The following CDH26 variants were observed in gnomAD, a reference collection of about 807,000 sequenced individuals.
The protein encoded by CDH26 is cadherin-like protein 26.
Under a neutral mutation model 90.3 loss-of-function variants are expected in CDH26, and 83 were observed. That is an observed-to-expected ratio of 0.92 (90% confidence interval 0.77 to 1.10). The LOEUF is 1.10. Ranked by LOEUF, CDH26 falls within the 50% of genes least tolerant of loss-of-function variation. The pLI, the probability that CDH26 is intolerant of heterozygous loss-of-function variation, is 0.00. For synonymous variants in CDH26, 397 were observed against 396.3 expected, an observed-to-expected ratio of 1.00 and a Z score of -0.02; for missense variants, 1,013 against 1,037.6, an observed-to-expected ratio of 0.98 and a Z score of 0.33.
chr20:60,005,201 A>G (rs1215292157), intron 16 of CDH26, among the ~76,000 whole-genome samples: 3 of 152,212 alleles, frequency 2.0e-5, no homozygotes, highest in African/African-American at 7.2e-5. Context: ...TACATATGAC[A>G]TACAAAATGT....
At chr20:60,005,478 CTGTATGTATGTA>C (rs35310546) in intron 16 of CDH26, among the ~76,000 whole-genome samples, 316 of 147,710 alleles carry the variant, frequency 2.1e-3, no homozygotes, top group African/African-American at 6.1e-3. Context: ...GTGTATATAT[CTGTATGTATGTA>C]TGTATGTATG....
At chr20:59,993,944 C>G (rs1162164309) in intron 10 of CDH26, among the ~76,000 whole-genome samples, 4 of 152,128 alleles carry the variant, frequency 2.6e-5, no homozygotes, top group African/African-American at 9.7e-5. Context: ...CCATTTTCCT[C>G]CACCCCACCC....
At chr20:60,026,530 A>G (rs1350957207) in intron 7 of CDH26, among the ~76,000 whole-genome samples, 1 of 152,174 alleles carries the variant, frequency 6.6e-6, no homozygotes, top group Non-Finnish European at 1.5e-5. Context: ...GGGGGCCACA[A>G]GCCAAGGAAT....
In CDH26 at chr20:59,995,846, A is replaced by T; in HGVS notation, c.1680A>T (p.Glu560Asp). ...TTCCCTTTGCAGGTCAATCAGTTGA[A>T]CTTTTAACCTTGAGAAGCCTGCCAC... ...KLGRNWGQSV[E>D]LLTLRSLPRG... Residue 560 changes from glutamate to aspartate, a missense_variant, in exon 12 of 18, where the codon GAA becomes GAT. Glu to Asp is a conservative substitution (Grantham distance 45, BLOSUM62 2). Coordinates refer to ENST00000348616, the MANE Select transcript of CDH26 (RefSeq NM_177980.4). The T allele has an allele frequency of 6.2e-7, 1 of 1,614,114 alleles. No homozygotes were observed. The highest frequency in any genetic ancestry group is 8.5e-7 in the Non-Finnish European group (1 of 1,179,948).
intron 8 of CDH26, among the ~76,000 whole-genome samples, chr20:60,032,467 A>G (rs2122802516): frequency 6.6e-6 from 1 of 152,340 alleles, no homozygotes; most frequent in South Asian, 2.1e-4. Context: ...ATGAAACTCA[A>G]AACTCATTTA....
At chr20:60,025,175 A>G (rs2061986786) in intron 7 of CDH26, among the ~76,000 whole-genome samples, 1 of 152,246 alleles carries the variant, frequency 6.6e-6, no homozygotes, top group Non-Finnish European at 1.5e-5. Flanking sequence ...TCTGTCATTC[A>G]TCGTCGAACT....
At chr20:60,034,513 G>A (rs546183790), downstream of CDH26, among the ~76,000 whole-genome samples, 2 of 152,280 alleles carry the variant, frequency 1.3e-5, no homozygotes, top group Non-Finnish European at 2.9e-5. Context: ...CTACCAGGGA[G>A]GGTGGCTAAA....
rs766129506 is a variant in CDH26 at position 60,012,535 on chromosome 20, T to C, written c.2304T>C (p.His768=). 6 of 1,612,132 alleles carry C rather than the reference T, an allele frequency of 3.7e-6. No individual in the cohort carries two copies. In the South Asian group the frequency reaches 6.6e-5, roughly 18 times the overall value. Residue 768 remains histidine (H), a synonymous_variant, in exon 18 of 18, where the codon CAT becomes CAC. Coordinates refer to ENST00000348616, the MANE Select transcript of CDH26 (RefSeq NM_177980.4). ...CCCCCACTTTTCCCCAGAAACTCCATGTTGCCAATGTGCTGGAAGATGACC... is the reference window on the plus strand; with the variant it reads ...CCCCCACTTTTCCCCAGAAACTCCACGTTGCCAATGTGCTGGAAGATGACC... ...RMAETLNQKL[H]VANVLEDDPG...
chr20:59,989,020 C>T lies in CDH26; in HGVS notation c.1140C>T (p.Ser380=), dbSNP rs765720243. Residue 380 remains serine (S), a synonymous_variant, in exon 9 of 18, where the codon AGC becomes AGT. Coordinates refer to ENST00000348616, the MANE Select transcript of CDH26 (RefSeq NM_177980.4). ...AGCCGCCAAGGAAGGCAGCAGCCAG[C>T]GCCACTGTGAGTGTGCAGGTGACAG... ...KLQPPRKAAA[S]ATVSVQVTDA... The T allele has an allele frequency of 1.7e-5, 28 of 1,614,066 alleles. No individual in the cohort carries two copies. The highest frequency in any genetic ancestry group is 2.2e-5 in the South Asian group (2 of 91,084).
chr20:59,980,035 A>C (rs1051044946), intron 4 of CDH26, among the ~76,000 whole-genome samples: 1 of 152,184 alleles, frequency 6.6e-6, no homozygotes, highest in Non-Finnish European at 1.5e-5. Flanking sequence ...AGCAATTCCC[A>C]AACGATTTCT....
At chr20:60,029,566 T>C (rs2062025253) in intron 7 of CDH26, among the ~76,000 whole-genome samples, 1 of 152,198 alleles carries the variant, frequency 6.6e-6, no homozygotes, top group Non-Finnish European at 1.5e-5. Flanking sequence ...TTGCTGTACC[T>C]ATCAACCCGT....
At chr20:59,970,581 C>T (rs181246179) in intron 3 of CDH26, among the ~76,000 whole-genome samples, 15 of 151,170 alleles carry the variant, frequency 9.9e-5, no homozygotes, top group African/African-American at 2.4e-4. Context: ...GAGGCCGAGG[C>T]GGGCGGATCA....
intron 15 of CDH26, among the ~76,000 whole-genome samples, chr20:60,002,053 T>C (rs1183008505): frequency 6.6e-6 from 1 of 152,166 alleles, no homozygotes; most frequent in African/African-American, 2.4e-5. Flanking sequence ...CCAGTTTAAC[T>C]AGCCATTATT....
In CDH26 at chr20:59,992,573, G is replaced by T; in HGVS notation, c.1426+53G>T. ...TAAAATGCTCATTCTTGCTTCCTGC[G>T]GGAAAATAACCCTGGTGAGCGTCTT... On this transcript the variant is annotated intron_variant, in intron 10 of 17. Transcript: ENST00000348616. This position sits in a 1 kb window ranked among gnomAD's most constrained non-coding sequence, Gnocchi z 5.0. 1.3e-6 allele frequency: 2 copies of T among 1,591,222 alleles called. No individual in the cohort carries two copies. The highest frequency in any genetic ancestry group is 3.3e-5 in the Admixed American group (2 of 59,724).
intron 7 of CDH26, among the ~76,000 whole-genome samples, chr20:60,025,057 G>A (rs1256645375): frequency 6.6e-6 from 1 of 152,182 alleles, no homozygotes; most frequent in Non-Finnish European, 1.5e-5. Context: ...GGAATCCTGT[G>A]TTGGAAGGAG....
intron 1 of CDH26, among the ~76,000 whole-genome samples, chr20:59,960,430 G>A (rs1479236247): frequency 6.6e-6 from 1 of 151,586 alleles, no homozygotes; most frequent in Non-Finnish European, 1.5e-5. Context: ...CAGGCACAAA[G>A]CCTGATATAT....
downstream of CDH26, among the ~76,000 whole-genome samples, chr20:60,018,775 CT>C (rs2061928752): frequency 2.4e-5 from 2 of 84,784 alleles, no homozygotes; most frequent in Non-Finnish European, 4.7e-5. Context: ...GCTTTTATTA[CT>C]TTTTTTCCCC....
intron 7 of CDH26, among the ~76,000 whole-genome samples, chr20:60,026,186 G>A (rs1340087913): frequency 2.6e-5 from 4 of 152,196 alleles, no homozygotes; most frequent in Non-Finnish European, 4.4e-5. Flanking sequence ...CCTATGGGGA[G>A]CAGAATGGTG....
chr20:59,999,530 A>G, intron 13 of CDH26, 56 bp from the exon 14 acceptor site: 7 of 1,433,984 alleles, frequency 4.9e-6, no homozygotes, highest in East Asian at 2.3e-5. Context: ...TTCTGTTTTT[A>G]TTTCTGCTAT....
Sources: gnomAD v4.1 joint callset for allele counts (sites outside exome capture counted in the v4.1 genomes callset) on GRCh38, gnomAD v4.1.1 for gene constraint, Gnocchi (gnomAD v3.1) non-coding constraint, MANE v1.5 for transcripts, NCBI Gene and HGNC (gene_info 2026-07-23, HGNC 2026-07-21) for gene names.